Variants in RABGEF1 observed in about 807,000 individuals in gnomAD.
RABGEF1 encodes the protein rab5 GDP/GTP exchange factor.
Under a neutral mutation model 57.3 loss-of-function variants are expected in RABGEF1, and 26 were observed. That is an observed-to-expected ratio of 0.45 (90% CI 0.33 to 0.63). The LOEUF (loss-of-function observed/expected upper bound fraction) is 0.63. RABGEF1 is among the 20% of genes least tolerant of loss of function. The probability of loss-of-function intolerance (pLI) is 0.02; values close to 1 mark genes in which losing one functional copy is unlikely to be tolerated. For synonymous variants in RABGEF1, 185 were observed against 210.7 expected, an observed-to-expected ratio of 0.88 and a Z score of 1.06; for missense variants, 464 against 607.6, an observed-to-expected ratio of 0.76 and a Z score of 2.48.
rs1288647554 is a variant in RABGEF1, at chr7:66,810,050, T to C, written c.*766T>C. 1 of 152,232 alleles carries C rather than the reference T, an allele frequency of 6.6e-6. No individual in the cohort carries two copies. Among genetic ancestry groups the C allele is most frequent in the African/African-American group, 2.4e-5 (1 of 41,450 alleles). 9.4% of individuals were successfully genotyped at this position (152,232 alleles called of 1,614,324 possible). A position where few individuals can be genotyped will look rare whatever the true frequency, so the allele number is the denominator to read the frequency against. On this transcript the variant is annotated 3_prime_UTR_variant, in exon 9 of 9. Coordinates refer to ENST00000284957, the MANE Select transcript of RABGEF1 (RefSeq NM_014504.3). Reference sequence around the variant, plus strand: ...TTTAAACTATGCTTCTAGCTTATTTTTCCCTCATTCATTCAGCAAATCTCT... The same window carrying C: ...TTTAAACTATGCTTCTAGCTTATTTCTCCCTCATTCATTCAGCAAATCTCT...
intron 1 of RABGEF1, among the ~76,000 whole-genome samples, chr7:66,741,853 TC>T (rs1406041733): frequency 1.3e-5 from 2 of 152,002 alleles, no homozygotes; most frequent in Non-Finnish European, 2.9e-5. Context: ...AAGAGTGTGT[TC>T]CGGCCGGGTG....
chr7:66,779,000 A>G (rs1367437436), intron 3 of RABGEF1, among the ~76,000 whole-genome samples: 2 of 152,088 alleles, frequency 1.3e-5, no homozygotes, highest in South Asian at 2.1e-4. Context: ...CTGTAATCCC[A>G]GCTACTTGGG....
chr7:66,773,476 T>C (rs769861677), intron 2 of RABGEF1, among the ~76,000 whole-genome samples: 1 of 152,220 alleles, frequency 6.6e-6, no homozygotes, highest in Admixed American at 6.5e-5. Flanking sequence ...ATTGTGACCC[T>C]GCTAAATCTC....
intron 2 of RABGEF1, among the ~76,000 whole-genome samples, chr7:66,774,906 G>A (rs1808147607): frequency 6.6e-6 from 1 of 152,174 alleles, no homozygotes; most frequent in Admixed American, 6.5e-5. Context: ...TGATGTAGCA[G>A]CTGTCCCATT....
At chr7:66,737,884 C>G (rs2707847), upstream of RABGEF1, among the ~76,000 whole-genome samples, 51,769 of 152,028 alleles carry the variant, frequency 0.34, 9,217 homozygotes, top group Middle Eastern at 0.49. Context: ...TCTTGCTGCT[C>G]GGTGCCTAGA....
chr7:66,741,308 T>G (rs895591256), intron 1 of RABGEF1, among the ~76,000 whole-genome samples: 1 of 152,096 alleles, frequency 6.6e-6, no homozygotes, highest in Non-Finnish European at 1.5e-5. Flanking sequence ...GGGGCAGAAG[T>G]GTCCCGGAGT....
At chr7:66,761,319 A>AAAACTGGGCC (rs1804293502) in intron 1 of RABGEF1, among the ~76,000 whole-genome samples, 1 of 152,170 alleles carries the variant, frequency 6.6e-6, no homozygotes, top group African/African-American at 2.4e-5. Flanking sequence ...GGGCCTCCAG[A>AAAACTGGGCC]AGTTCTAACT....
intron 4 of RABGEF1, among the ~76,000 whole-genome samples, chr7:66,792,565 T>C (rs1469048142): frequency 6.6e-6 from 1 of 152,184 alleles, no homozygotes; most frequent in Non-Finnish European, 1.5e-5. Flanking sequence ...GGATCCTTAT[T>C]AGACAGTAAG....
intron 1 of RABGEF1, among the ~76,000 whole-genome samples, chr7:66,763,833 A>G (rs1805044533): frequency 6.6e-6 from 1 of 152,230 alleles, no homozygotes; most frequent in African/African-American, 2.4e-5. Flanking sequence ...TTTATGACCA[A>G]GTAATATTCC....
At chr7:66,671,294 C>T in the RABGEF1 span, among the ~76,000 whole-genome samples, 8,104 of 152,222 alleles carry the variant, frequency 0.053, 308 homozygotes, top group East Asian at 0.085. Context: ...GTCTTCTCCC[C>T]TCAGCCTCCT....
At chr7:66,696,152 A>G (rs1792297509) in intron 1 of RABGEF1, among the ~76,000 whole-genome samples, 1 of 151,990 alleles carries the variant, frequency 6.6e-6, no homozygotes. Context: ...TGCAGCCTCA[A>G]ACTCCTGGGC....
chr7:66,720,089 T>C (rs1306285953), intron 2 of RABGEF1, among the ~76,000 whole-genome samples: 2 of 151,916 alleles, frequency 1.3e-5, no homozygotes, highest in Non-Finnish European at 2.9e-5. Context: ...TGCAATATAT[T>C]AACAGAAGAA....
intron 2 of RABGEF1, among the ~76,000 whole-genome samples, chr7:66,727,510 G>A (rs1236582551): frequency 2.0e-5 from 3 of 152,354 alleles, no homozygotes; most frequent in East Asian, 1.9e-4. Flanking sequence ...GGACCCCCAG[G>A]GATCTTCCTC....
intron 1 of RABGEF1, among the ~76,000 whole-genome samples, chr7:66,711,291 A>G (rs1266312402): frequency 6.6e-6 from 1 of 152,198 alleles, no homozygotes; most frequent in African/African-American, 2.4e-5. Context: ...TGTTGTATCT[A>G]AGAACTCTTT....
chr7:66,737,093 C>CGAGAGA (rs141745026), upstream of RABGEF1, among the ~76,000 whole-genome samples: 147 of 127,362 alleles, frequency 1.2e-3, no homozygotes, highest in African/African-American at 3.9e-3. Flanking sequence ...AGAGCGAGAG[C>CGAGAGA]GAGAGAGAGA....
the RABGEF1 span, among the ~76,000 whole-genome samples, chr7:66,666,498 C>A: frequency 6.6e-6 from 1 of 152,338 alleles, no homozygotes; most frequent in African/African-American, 2.4e-5. Flanking sequence ...GTGCCCACCG[C>A]ACACCCCCTC....
At chr7:66,660,347 CAA>C in the RABGEF1 span, among the ~76,000 whole-genome samples, 16 of 82,600 alleles carry the variant, frequency 1.9e-4, no homozygotes, top group African/African-American at 2.3e-4. Context: ...GACTCCATCT[CAA>C]AAAAAAAAAA....
In RABGEF1 at chr7:66,751,612, C is replaced by T. The variant is rs1027508112; in HGVS notation, c.-18+10820C>T. 3.9e-5 allele frequency among the ~76,000 whole-genome samples: 6 copies of T among 152,160 alleles called. No homozygotes were observed. In the East Asian group the frequency reaches 9.7e-4, roughly 25 times the overall value. ...GGTTGTGTTGCAGGTTGGATAAGGC[C>T]GCATTTTGCTCTGATTTGCCCTTAC... On this transcript the variant is annotated intron_variant, in intron 1 of 8. Coordinates refer to ENST00000284957, the MANE Select transcript of RABGEF1 (RefSeq NM_014504.3).
At chr7:66,663,064 G>A in the RABGEF1 span, among the ~76,000 whole-genome samples, 1 of 152,226 alleles carries the variant, frequency 6.6e-6, no homozygotes, top group Non-Finnish European at 1.5e-5. Flanking sequence ...GCGGAAAACC[G>A]CTTAAAGGCA....
Sources: gnomAD v4.1 joint callset for allele counts (sites outside exome capture counted in the v4.1 genomes callset) on GRCh38, gnomAD v4.1.1 for gene constraint, MANE v1.5 for transcripts, NCBI Gene and HGNC (gene_info 2026-07-23, HGNC 2026-07-21) for gene names.